CCDC148: variants seen among roughly 807,000 people sequenced by gnomAD.
The protein encoded by CCDC148 is coiled-coil domain-containing protein 148.
A neutral mutation model predicts 85.7 loss-of-function variants in CCDC148; 89 were observed. The observed-to-expected ratio is 1.04, with a 90% confidence interval of 0.87 to 1.24. CCDC148 has a LOEUF of 1.24. CCDC148 is among the 50% of genes most tolerant of loss of function. The probability of loss-of-function intolerance (pLI) is 0.00; values close to 1 mark genes in which losing one functional copy is unlikely to be tolerated. For synonymous variants in CCDC148, 230 were observed against 213.9 expected, an observed-to-expected ratio of 1.08 and a Z score of -0.66; for missense variants, 692 against 671.7, an observed-to-expected ratio of 1.03 and a Z score of -0.33.
intron 10 of CCDC148, among the ~76,000 whole-genome samples, chr2:158,235,112 C>T (rs72936052): frequency 0.057 from 8,593 of 152,088 alleles, 374 homozygotes; most frequent in African/African-American, 0.11. Flanking sequence ...TGCACATGTG[C>T]CCCTAAACTT....
chr2:158,284,529 G>C (rs1161370464), intron 9 of CCDC148, among the ~76,000 whole-genome samples: 1 of 152,280 alleles, frequency 6.6e-6, no homozygotes, highest in African/African-American at 2.4e-5. Flanking sequence ...CCAACTCAGG[G>C]AGGAGGACAG....
At chr2:158,440,503 A>T (rs1374232419) in intron 1 of CCDC148, among the ~76,000 whole-genome samples, 1 of 152,076 alleles carries the variant, frequency 6.6e-6, no homozygotes, top group Non-Finnish European at 1.5e-5. Context: ...TGCATTCAAG[A>T]CCCCCAGTGG....
In CCDC148 at chr2:158,358,451, T is replaced by C. The variant is rs1159708145; in HGVS notation, c.145A>G (p.Lys49Glu). Reference protein sequence around the residue: ...KKLASASAKLKIRKAMLTSKL... With the variant: ...KKLASASAKLEIRKAMLTSKL... ...CACATACACACACAACTTCTAACCT[T>C]TAGCTTTGCAGAGGCAGAAGCCAAT... The change falls in exon 2 of 14, where the codon AAG becomes GAG. Residue 49 changes from lysine to glutamate, a missense_variant and splice_region_variant. By Grantham distance (56) the Lys-to-Glu change is moderately conservative. Coordinates refer to ENST00000283233, the MANE Select transcript of CCDC148 (RefSeq NM_138803.4). The C allele has an allele frequency of 6.2e-7, 1 of 1,604,776 alleles. No individual in the cohort carries two copies.
chr2:158,427,943 A>G (rs1687153511), intron 1 of CCDC148, among the ~76,000 whole-genome samples: 1 of 152,200 alleles, frequency 6.6e-6, no homozygotes. Context: ...AGTCAAGATC[A>G]TTGCGGTAGA....
At chr2:158,267,745 G>A (rs766670409) in intron 9 of CCDC148, among the ~76,000 whole-genome samples, 31 of 152,036 alleles carry the variant, frequency 2.0e-4, no homozygotes, top group Non-Finnish European at 1.8e-4. Context: ...CTTTTCTCCC[G>A]GACTGGTCAG....
At chr2:158,401,497 G>T (rs973752677) in intron 1 of CCDC148, among the ~76,000 whole-genome samples, 1 of 151,992 alleles carries the variant, frequency 6.6e-6, no homozygotes, top group Non-Finnish European at 1.5e-5. Flanking sequence ...TGAACAATGA[G>T]AACACATGGA....
intron 7 of CCDC148, among the ~76,000 whole-genome samples, chr2:158,324,057 C>T (rs1172911962): frequency 2.7e-5 from 4 of 149,330 alleles, no homozygotes; most frequent in Non-Finnish European, 4.4e-5. Context: ...GCTGGGATTA[C>T]AGGCATGCAC....
chr2:158,220,828 C>A, intron 10 of CCDC148, 115 bp from the exon 11 acceptor site: 3 of 750,354 alleles, frequency 4.0e-6, no homozygotes, highest in South Asian at 1.7e-5. Flanking sequence ...AAGGGCACTT[C>A]ATCTTTTTTG....
rs188484825 is a variant in CCDC148, at chr2:158,344,154, G to T, written c.251+1061C>A. ...GGCTTTCCTTTTTGTCATGTTTCAA[G>T]TTATGCACATTTTCAAAAAAAAAAT... On this transcript the variant is annotated intron_variant, in intron 3 of 13. Coordinates refer to ENST00000283233, the MANE Select transcript of CCDC148 (RefSeq NM_138803.4). 3.8e-4 allele frequency among the ~76,000 whole-genome samples: 58 copies of T among 152,040 alleles called. 1 individual carries two copies. In the Middle Eastern group the frequency reaches 0.017, roughly 45 times the overall value.
At chr2:158,396,558 C>T (rs962234750) in intron 1 of CCDC148, among the ~76,000 whole-genome samples, 3 of 152,084 alleles carry the variant, frequency 2.0e-5, no homozygotes, top group Admixed American at 6.6e-5. Context: ...GAACAGTGTA[C>T]TCAGGTTCTG....
intron 2 of CCDC148, among the ~76,000 whole-genome samples, chr2:158,357,277 G>T (rs1683706725): frequency 6.6e-6 from 1 of 150,404 alleles, no homozygotes; most frequent in Admixed American, 6.6e-5. Context: ...AGCCTGGGTG[G>T]CTTAAAAAAA....
At chr2:158,409,405 C>G (rs1046361312) in intron 1 of CCDC148, among the ~76,000 whole-genome samples, 1 of 152,202 alleles carries the variant, frequency 6.6e-6, no homozygotes, top group Admixed American at 6.5e-5. Context: ...ATCAGTGTGA[C>G]CTGGATGTGA....
chr2:158,271,309 CCA>C (rs1269277817), intron 9 of CCDC148, among the ~76,000 whole-genome samples: 1 of 152,080 alleles, frequency 6.6e-6, no homozygotes, highest in Non-Finnish European at 1.5e-5. Flanking sequence ...GTTTCACTTT[CCA>C]CAGTTTCAGT....
chr2:158,267,359 TCCC>T (rs1689512518), intron 9 of CCDC148, among the ~76,000 whole-genome samples: 1 of 152,144 alleles, frequency 6.6e-6, no homozygotes, highest in African/African-American at 2.4e-5. Context: ...TGTAATGCCT[TCCC>T]AGACCCAGGA....
chr2:158,392,905 G>A (rs1428194773), intron 1 of CCDC148, among the ~76,000 whole-genome samples: 1 of 152,026 alleles, frequency 6.6e-6, no homozygotes, highest in Non-Finnish European at 1.5e-5. Flanking sequence ...CCATGCTATT[G>A]CTGACAGTGT....
chr2:158,384,689 A>G (rs1685012825), intron 1 of CCDC148, among the ~76,000 whole-genome samples: 1 of 152,142 alleles, frequency 6.6e-6, no homozygotes, highest in Non-Finnish European at 1.5e-5. Flanking sequence ...CTTTATAGCA[A>G]TGCAAGAAGG....
intron 10 of CCDC148, among the ~76,000 whole-genome samples, chr2:158,228,222 G>C (rs1376090200): frequency 6.6e-6 from 1 of 152,158 alleles, no homozygotes; most frequent in East Asian, 1.9e-4. Context: ...CATCATCACT[G>C]GGCATCAGAG....
chr2:158,246,097 G>A (rs1688557695), intron 10 of CCDC148, among the ~76,000 whole-genome samples: 1 of 152,176 alleles, frequency 6.6e-6, no homozygotes, highest in African/African-American at 2.4e-5. Flanking sequence ...TTAGGAGGAA[G>A]ATTACCTCTT....
chr2:158,181,104 A>G (rs1002997956), intron 11 of CCDC148, among the ~76,000 whole-genome samples: 8 of 152,168 alleles, frequency 5.3e-5, no homozygotes, highest in African/African-American at 1.7e-4. Flanking sequence ...AGGTTCAATT[A>G]AAAAATACCC....
Sources: allele counts gnomAD v4.1 joint callset (sites outside exome capture counted in the v4.1 genomes callset), GRCh38; gene constraint gnomAD v4.1.1; transcripts MANE v1.5; gene names NCBI Gene and HGNC (gene_info 2026-07-23, HGNC 2026-07-21).